GAL3ST1: variants seen among roughly 807,000 people sequenced by gnomAD.
The protein encoded by GAL3ST1 is galactosylceramide sulfotransferase.
GAL3ST1 carries 13 observed loss-of-function variants against 25.0 expected under a neutral mutation model. The ratio of observed to expected loss-of-function variants is 0.52; its 90% CI spans 0.34 to 0.83. The LOEUF (loss-of-function observed/expected upper bound fraction) is 0.83, where lower values mean the gene tolerates loss of function less well. GAL3ST1 is among the 40% of genes least tolerant of loss of function. The pLI is 0.02. For missense variants in GAL3ST1, 474 were observed against 613.6 expected (o/e 0.77, Z 2.40); for synonymous variants, 274 against 277.8 (o/e 0.99, Z 0.14).
chr22:30,569,681 AGGAAGG>A (rs1269075940), intron 1 of GAL3ST1, among the ~76,000 whole-genome samples: 3 of 152,144 alleles, frequency 2.0e-5, no homozygotes, highest in African/African-American at 7.2e-5. Flanking sequence ...GGGAAGGGTG[AGGAAGG>A]ACAGGGAGCC....
In GAL3ST1 at chr22:30,562,882, C is replaced by T. The variant is rs145546929; in HGVS notation, c.-119-4494G>A. Among the ~76,000 whole-genome samples the T allele has an allele frequency of 2.1e-3, 315 of 152,222 alleles. 1 individual carries two copies. Among genetic ancestry groups the T allele is most frequent in the Middle Eastern group, 6.8e-3 (2 of 294 alleles). On this transcript the variant is annotated intron_variant, in intron 1 of 3. Transcript: ENST00000406361. ...GTGTAATCCCAGCACTTTGGGAGGC[C>T]GAGACAGGCAGATCACGAGGTCAGG...
intron 1 of GAL3ST1, among the ~76,000 whole-genome samples, chr22:30,573,545 C>T (rs1347530989): frequency 2.6e-5 from 4 of 152,192 alleles, no homozygotes; most frequent in Non-Finnish European, 5.9e-5. Context: ...TCAGGTCACC[C>T]CGTCAGTAAA....
At chr22:30,566,580 A>C (rs568014588) in intron 1 of GAL3ST1, among the ~76,000 whole-genome samples, 1 of 152,162 alleles carries the variant, frequency 6.6e-6, no homozygotes, top group South Asian at 2.1e-4. Flanking sequence ...GCCCTGCCAG[A>C]GGGGTCTCTT....
At chr22:30,570,710 T>C (rs1386542932) in intron 1 of GAL3ST1, among the ~76,000 whole-genome samples, 1 of 151,518 alleles carries the variant, frequency 6.6e-6, no homozygotes, top group African/African-American at 2.4e-5. Flanking sequence ...CACTTGAACC[T>C]GGGAGGCGGA....
chr22:30,572,067 G>T (rs1407796717), intron 1 of GAL3ST1, among the ~76,000 whole-genome samples: 2 of 152,092 alleles, frequency 1.3e-5, no homozygotes, highest in African/African-American at 2.4e-5. Context: ...CCTGAGGGGG[G>T]GATTTGAGTA....
chr22:30,562,219 T>C (rs977334869), intron 1 of GAL3ST1, among the ~76,000 whole-genome samples: 1 of 152,134 alleles, frequency 6.6e-6, no homozygotes, highest in Non-Finnish European at 1.5e-5. Flanking sequence ...GCCTGGCTAC[T>C]TTTTAAAAAA....
At position 30,562,987 on chromosome 22, in the gene GAL3ST1, G is replaced by T. The variant is rs1006192470; in HGVS notation, c.-119-4599C>A. Among the ~76,000 whole-genome samples, 6 of 152,120 alleles carry T rather than the reference G, an allele frequency of 3.9e-5. No homozygotes were observed. The East Asian group carries it at 1.2e-3, about 30-fold the overall frequency. On this transcript the variant is annotated intron_variant, in intron 1 of 3. Coordinates refer to ENST00000406361, the MANE Select transcript of GAL3ST1 (RefSeq NM_001318104.2). ...AAAAATTAGCCGGGTGTGGTGGTGC[G>T]CACCTGTAATCCCAGCTACTTGGGA...
At chr22:30,572,564 T>C (rs1363747149) in intron 1 of GAL3ST1, 1 of 152,182 alleles carries the variant, frequency 6.6e-6, no homozygotes, top group African/African-American at 2.4e-5. Flanking sequence ...TCCCACCTGG[T>C]AGGGGAAGCG....
At position 30,555,364 on chromosome 22, in the gene GAL3ST1, C is replaced by T. The variant is rs1347592274; in HGVS notation, c.861G>A (p.Pro287=). 2.5e-6 allele frequency: 4 copies of T among 1,608,392 alleles called. No homozygotes were observed. The highest frequency in any genetic ancestry group is 1.7e-5 in the Admixed American group (1 of 60,020). ...GCCCATACAGCTCCCCCGAGAGCCG[C>T]GGCACGGGCGAGTCGCGGCGGGCGT... is the stretch of plus-strand genomic sequence containing the variant. The part of the protein sequence containing the change: ...KLNARRDSPV[P]RLSGELYGRA... Residue 287 remains proline (P), a synonymous_variant, in exon 4 of 4, where the codon CCG becomes CCA. Coordinates refer to ENST00000406361, the MANE Select transcript of GAL3ST1 (RefSeq NM_001318104.2). The surrounding 1 kb of genome is among the most constrained non-coding windows in gnomAD (Gnocchi z 8.6).
At position 30,573,090 on chromosome 22, in the gene GAL3ST1, T is replaced by C. The variant is rs114317501; in HGVS notation, c.-120+1376A>G. 5.6e-3 allele frequency among the ~76,000 whole-genome samples: 851 copies of C among 152,206 alleles called. 20 individuals carry two copies. The highest frequency in any genetic ancestry group is 0.019 in the African/African-American group (808 of 41,534). ...TGAGCAAGCAGGGAATAAAGCAGGC[T>C]GAGGTGGCAGCTGGGAACAGGGCTT... On this transcript the variant is annotated intron_variant, in intron 1 of 3. Coordinates refer to ENST00000406361, the MANE Select transcript of GAL3ST1 (RefSeq NM_001318104.2).
Position 30,555,640 on chromosome 22 carries a change from C to G in GAL3ST1, c.585G>C (p.Glu195Asp). The G allele has an allele frequency of 1.9e-6, 3 of 1,613,702 alleles. No individual in the cohort carries two copies. The highest frequency in any genetic ancestry group is 2.5e-6 in the Non-Finnish European group (3 of 1,180,040). ...AGTAGCGATCCGGGTCTTGCAGGAACTCGGTCAGCTTGTCGCCGGCCGAGA... is the reference window on the plus strand; with the variant it reads ...AGTAGCGATCCGGGTCTTGCAGGAAGTCGGTCAGCTTGTCGCCGGCCGAGA... The part of the protein sequence containing the change: ...WKLSAGDKLT[E>D]FLQDPDRYYD... The change falls in exon 4 of 4, where the codon GAG becomes GAC. Residue 195 changes from glutamate to aspartate, a missense_variant. Glu to Asp is a conservative substitution (Grantham distance 45). This residue lies in a region of GAL3ST1 where 359 missense variants were observed against 504.4 expected (regional missense o/e 0.71). Transcript: ENST00000406361. The surrounding 1 kb of genome is among the most constrained non-coding windows in gnomAD (Gnocchi z 8.6).
At chr22:30,573,934 T>G (rs2086841156) in intron 1 of GAL3ST1, among the ~76,000 whole-genome samples, 1 of 152,164 alleles carries the variant, frequency 6.6e-6, no homozygotes. Context: ...TGTCCCACTC[T>G]CCCAAACCTC....
Position 30,569,938 on chromosome 22 carries a change from C to T in GAL3ST1, c.-120+4528G>A, listed in dbSNP as rs867385597. Reference sequence around the variant, plus strand: ...TCTGTATAAAAAATTTAAACATTAGCCCTGTGTGGTGGTGCACGCCTGTAG... The same window carrying T: ...TCTGTATAAAAAATTTAAACATTAGTCCTGTGTGGTGGTGCACGCCTGTAG... On this transcript the variant is annotated intron_variant, in intron 1 of 3. Coordinates refer to ENST00000406361, the MANE Select transcript of GAL3ST1 (RefSeq NM_001318104.2). Among the ~76,000 whole-genome samples, 44 of 152,214 alleles carry T rather than the reference C, an allele frequency of 2.9e-4. 1 individual carries two copies. The Middle Eastern group carries it at 0.017, about 59-fold the overall frequency.
At position 30,558,331 on chromosome 22, in the gene GAL3ST1, G is replaced by A. The variant is rs963797520; in HGVS notation, c.-62C>T. 1.3e-5 allele frequency: 2 copies of A among 152,180 alleles called. No homozygotes were observed. The highest frequency in any genetic ancestry group is 4.8e-5 in the African/African-American group (2 of 41,448). The allele number at this position is 152,180 out of a possible 1,614,324, so 9.4% of individuals were successfully genotyped here. On this transcript the variant is annotated 5_prime_UTR_variant, in exon 2 of 4. Coordinates refer to ENST00000406361, the MANE Select transcript of GAL3ST1 (RefSeq NM_001318104.2). ...AGGCGGGAGGATTGCTTGAGCCTGA[G>A]TTCCAGTGAGCCATGACTGTGCCGC... is the stretch of plus-strand genomic sequence containing the variant.
intron 1 of GAL3ST1, among the ~76,000 whole-genome samples, chr22:30,566,810 C>T (rs145867705): frequency 0.017 from 2,642 of 152,066 alleles, 83 homozygotes; most frequent in African/African-American, 0.059. Context: ...GGGGTTTCAC[C>T]GTGTTAGCCA....
rs1341999820 is a variant in GAL3ST1 at position 30,562,515 on chromosome 22, A to G, written c.-119-4127T>C. 2.0e-5 allele frequency among the ~76,000 whole-genome samples: 3 copies of G among 152,150 alleles called. No individual in the cohort carries two copies. In the East Asian group the frequency reaches 5.8e-4, roughly 29 times the overall value. On this transcript the variant is annotated intron_variant, in intron 1 of 3. Transcript: ENST00000406361. ...ATGCACGTACCCAGGAGATCAACTC[A>G]TATTAATTATTATCATACCATTGAC...
In GAL3ST1 at chr22:30,555,276, G is replaced by A; in HGVS notation, c.949C>T (p.Arg317Cys). 1.2e-6 allele frequency: 2 copies of A among 1,602,342 alleles called. No homozygotes were observed. Among genetic ancestry groups the A allele is most frequent in the Non-Finnish European group, 1.7e-6 (2 of 1,176,340 alleles). Residue 317 changes from arginine (R) to cysteine (C), a missense_variant, in exon 4 of 4, where the codon CGC becomes TGC. Physicochemically the swap from Arg to Cys is radical, Grantham distance 180 (BLOSUM62 -3). Coordinates refer to ENST00000406361, the MANE Select transcript of GAL3ST1 (RefSeq NM_001318104.2). This position sits in a 1 kb window ranked among gnomAD's most constrained non-coding sequence, Gnocchi z 8.6. ...LYRHFNASFW[R>C]KVEAFGRERM... ...TCCCGCCCGAAGGCCTCCACCTTGC[G>A]CCAGAAGCTGGCGTTGAAGTGGCGG...
Position 30,557,318 on chromosome 22 carries a change from G to T in GAL3ST1, c.75C>A (p.Phe25Leu). 2.5e-6 allele frequency: 4 copies of T among 1,614,224 alleles called. No individual in the cohort carries two copies. The highest frequency in any genetic ancestry group is 3.4e-6 in the Non-Finnish European group (4 of 1,180,010). The stretch of plus-strand genomic sequence containing the variant: ...CGGCATAGGAGTACACCAGCAGCAG[G>T]AAACTAGTGAAGAGCGCGCCCAGCA... ...GLVLGALFTS[F>L]LLLVYSYAVP... Residue 25 changes from phenylalanine to leucine, a missense_variant, in exon 3 of 4, where the codon TTC becomes TTA. Transcript: ENST00000406361.
chr22:30,555,371 G>C lies in GAL3ST1; in HGVS notation c.854C>G (p.Pro285Arg), dbSNP rs1249184864. The C allele has an allele frequency of 6.2e-7, 1 of 1,608,330 alleles. No homozygotes were observed. Among genetic ancestry groups the C allele is most frequent in the African/African-American group, 1.3e-5 (1 of 75,030 alleles). The change falls in exon 4 of 4, where the codon CCC becomes CGC. Residue 285 changes from proline to arginine, a missense_variant. By Grantham distance (103) the Pro-to-Arg change is moderately radical (BLOSUM62 -2). Around this residue, in one of 2 missense-constraint regions of GAL3ST1, gnomAD observed 359 missense variants for 504.4 expected, o/e 0.71. Transcript: ENST00000406361. The surrounding 1 kb of genome is among the most constrained non-coding windows in gnomAD (Gnocchi z 8.6). ...YFKLNARRDS[P>R]VPRLSGELYG... ...CAGCTCCCCCGAGAGCCGCGGCACG[G>C]GCGAGTCGCGGCGGGCGTTGAGCTT...
Sources: gnomAD v4.1 joint callset for allele counts (sites outside exome capture counted in the v4.1 genomes callset) on GRCh38, gnomAD v4.1.1 for gene constraint, gnomAD v4.1.1 regional missense constraint, Gnocchi (gnomAD v3.1) non-coding constraint, MANE v1.5 for transcripts, NCBI Gene and HGNC (gene_info 2026-07-23, HGNC 2026-07-21) for gene names.